Variants in CUL4A observed in about 807,000 individuals in gnomAD.
The protein encoded by CUL4A is cullin-4A.
CUL4A carries 16 observed loss-of-function variants against 95.5 expected under a neutral mutation model. The observed-to-expected ratio is 0.17, with a 90% CI of 0.11 to 0.25. The LOEUF (loss-of-function observed/expected upper bound fraction) is 0.25. Among genes scored for constraint, CUL4A ranks in the 10% least tolerant of loss-of-function variants. CUL4A has a pLI of 1.00. For missense variants in CUL4A, 610 were observed against 937.0 expected, an observed-to-expected ratio of 0.65 and a Z score of 4.56; for synonymous variants, 380 against 353.1, an observed-to-expected ratio of 1.08 and a Z score of -0.85.
chr13:113,265,947 A>G lies in CUL4A; in HGVS notation c.*2365A>G, dbSNP rs971427480. Reference sequence around the variant, plus strand: ...CTGTGACTGAAGAAAGAATTCACCAAGTTAACCAGACACAAAATTAACAAA... The same window carrying G: ...CTGTGACTGAAGAAAGAATTCACCAGGTTAACCAGACACAAAATTAACAAA... On this transcript the variant is annotated 3_prime_UTR_variant, in exon 20 of 20. Transcript: ENST00000375440. 1 of 152,226 alleles carries G rather than the reference A, an allele frequency of 6.6e-6. No individual in the cohort carries two copies. The highest frequency in any genetic ancestry group is 2.4e-5 in the African/African-American group (1 of 41,460). The allele number at this position is 152,226 out of a possible 1,614,324, so 9.4% of individuals were successfully genotyped here. A position where few individuals can be genotyped will look rare whatever the true frequency, so the allele number is the denominator to read the frequency against.
intron 1 of CUL4A, 74 bp downstream of exon 1, chr13:113,209,849 G>A (rs1281160031): frequency 3.5e-6 from 4 of 1,157,852 alleles, no homozygotes; most frequent in East Asian, 3.7e-5. Flanking sequence ...GACTTGGGGG[G>A]AAGGCCCCGA....
upstream of CUL4A, chr13:113,208,699 C>CTGGT (rs2040161544): frequency 6.5e-7 from 1 of 1,545,500 alleles, no homozygotes. Flanking sequence ...GCGTCACTTC[C>CTGGT]GGCCCTCGGT....
At chr13:113,233,748 A>G (rs1301114638) in intron 6 of CUL4A, 149 bp from the exon 7 acceptor site, 45 of 631,434 alleles carry the variant, frequency 7.1e-5, no homozygotes, top group Non-Finnish European at 5.6e-6. Context: ...CCGTTTTGGG[A>G]AGGACAGTGC....
intron 15 of CUL4A, among the ~76,000 whole-genome samples, chr13:113,250,483 A>G (rs1311074197): frequency 6.6e-6 from 1 of 152,098 alleles, no homozygotes; most frequent in African/African-American, 2.4e-5. Flanking sequence ...AAATAGCACT[A>G]TGTATTCTCC....
intron 19 of CUL4A, among the ~76,000 whole-genome samples, chr13:113,262,714 C>T (rs542884720): frequency 1.8e-4 from 28 of 152,322 alleles, no homozygotes; most frequent in African/African-American, 6.7e-4. Flanking sequence ...ATAAAAGTTG[C>T]CCCAGTAAGA....
At chr13:113,208,685 G>A, upstream of CUL4A, 1 of 1,568,376 alleles carries the variant, frequency 6.4e-7, no homozygotes, top group South Asian at 1.2e-5. Flanking sequence ...AAGCGGGCCA[G>A]CTGGCGTCAC....
chr13:113,230,538 C>T (rs1488842547), intron 5 of CUL4A, among the ~76,000 whole-genome samples: 2 of 152,174 alleles, frequency 1.3e-5, no homozygotes, highest in Non-Finnish European at 2.9e-5. Flanking sequence ...ACAGAAAAGA[C>T]AGCCTGTGTT....
At chr13:113,258,021 T>G (rs1442644795) in intron 18 of CUL4A, among the ~76,000 whole-genome samples, 1 of 152,136 alleles carries the variant, frequency 6.6e-6, no homozygotes, top group Non-Finnish European at 1.5e-5. Context: ...TTTGTTTTGT[T>G]TTGTTTTGTT....
chr13:113,239,355 G>A (rs2041638966), intron 9 of CUL4A, 78 bp from the exon 10 acceptor site: 1 of 1,218,972 alleles, frequency 8.2e-7, no homozygotes, highest in Non-Finnish European at 1.2e-6. Context: ...ACGTTCTTCT[G>A]GTGCACGCTG....
intron 17 of CUL4A, 55 bp downstream of exon 17, chr13:113,254,853 G>A: frequency 6.3e-7 from 1 of 1,593,790 alleles, no homozygotes; most frequent in Non-Finnish European, 8.6e-7. Context: ...GCATGTATTT[G>A]TTTTAAGATA....
At chr13:113,237,433 C>T (rs890447619) in intron 9 of CUL4A, among the ~76,000 whole-genome samples, 9 of 152,182 alleles carry the variant, frequency 5.9e-5, no homozygotes, top group African/African-American at 1.4e-4. Flanking sequence ...CCTTCACGTC[C>T]GCTTCTCCCC....
chr13:113,233,844 G>T, intron 6 of CUL4A, 53 bp from the exon 7 acceptor site: 1 of 1,022,816 alleles, frequency 9.8e-7, no homozygotes, highest in Non-Finnish European at 1.6e-6. Context: ...GTTAGCACTT[G>T]TGAAGATAGT....
chr13:113,225,245 C>CAA (rs1566333113), intron 3 of CUL4A, among the ~76,000 whole-genome samples: 1 of 152,142 alleles, frequency 6.6e-6, no homozygotes, highest in East Asian at 1.9e-4. Context: ...TTGACAGACT[C>CAA]ACGGTGTCTG....
At chr13:113,239,592 T>G (rs1566354039) in intron 10 of CUL4A, 41 bp downstream of exon 10, 1 of 1,494,204 alleles carries the variant, frequency 6.7e-7, no homozygotes, top group African/African-American at 1.4e-5. Context: ...GGGCATTCCC[T>G]GCAGGGAGCA....
intron 3 of CUL4A, among the ~76,000 whole-genome samples, chr13:113,225,258 T>A (rs2041059227): frequency 6.6e-6 from 1 of 152,212 alleles, no homozygotes; most frequent in African/African-American, 2.4e-5. Flanking sequence ...GGTGTCTGTG[T>A]GTCTCACATC....
At chr13:113,253,292 C>A in intron 16 of CUL4A, 97 bp downstream of exon 16, 1 of 488,590 alleles carries the variant, frequency 2.0e-6, no homozygotes. Flanking sequence ...AGGAGTGTTT[C>A]ACTTTAATTC....
chr13:113,228,974 A>C (rs2041209747), intron 4 of CUL4A, among the ~76,000 whole-genome samples: 1 of 151,904 alleles, frequency 6.6e-6, no homozygotes, highest in African/African-American at 2.4e-5. Flanking sequence ...CAAAAAAAAA[A>C]AAAATTAACC....
rs1398189385 is a variant in CUL4A at position 113,245,931 on chromosome 13, A to T, written c.1531-25A>T. 3 of 1,500,242 alleles carry T rather than the reference A, an allele frequency of 2.0e-6. No individual in the cohort carries two copies. The East Asian group carries it at 6.8e-5, about 34-fold the overall frequency. 92.9% of individuals were successfully genotyped at this position (1,500,242 alleles called of 1,614,324 possible). ...TATGTTTTATTACTTTCTCAAAATGATTGTCTTGGATTTCTCTGTTTTAGC... is the reference window on the plus strand; with the variant it reads ...TATGTTTTATTACTTTCTCAAAATGTTTGTCTTGGATTTCTCTGTTTTAGC... On this transcript the variant is annotated intron_variant, in intron 14 of 19. Transcript: ENST00000375440.
chr13:113,208,784 C>G (rs1012052033), upstream of CUL4A: 60 of 1,420,702 alleles, frequency 4.2e-5, no homozygotes, highest in Non-Finnish European at 5.0e-5. Context: ...TGGGGACCGG[C>G]TCGGCGACGC....
Sources: gnomAD v4.1 joint callset for allele counts (sites outside exome capture counted in the v4.1 genomes callset) on GRCh38, gnomAD v4.1.1 for gene constraint, MANE v1.5 for transcripts, NCBI Gene and HGNC (gene_info 2026-07-23, HGNC 2026-07-21) for gene names.